Variants in CNTNAP4 observed in about 807,000 individuals in gnomAD.
The protein encoded by CNTNAP4 is contactin associated protein family member 4, also known as contactin-associated protein-like 4.
A neutral mutation model predicts 148.4 loss-of-function variants in CNTNAP4; 98 were observed. That is an observed-to-expected ratio of 0.66 (90% CI 0.56 to 0.78). The LOEUF is 0.78. CNTNAP4 is among the 30% of genes least tolerant of loss of function. The probability of loss-of-function intolerance (pLI) is 0.00; values close to 1 mark genes in which losing one functional copy is unlikely to be tolerated. For synonymous variants in CNTNAP4, 730 were observed against 565.1 expected (o/e 1.29, Z -4.14); for missense variants, 1,935 against 1,565.6 (o/e 1.24, Z -3.98).
chr16:76,516,799 C>T (rs143027133), intron 15 of CNTNAP4, among the ~76,000 whole-genome samples: 3 of 152,216 alleles, frequency 2.0e-5, no homozygotes, highest in Non-Finnish European at 4.4e-5. Flanking sequence ...AGTGGTGGCT[C>T]ACGCCTGTAA....
chr16:76,555,027 G>A (rs1004593855), intron 23 of CNTNAP4, among the ~76,000 whole-genome samples: 1 of 151,830 alleles, frequency 6.6e-6, no homozygotes, highest in Admixed American at 6.6e-5. Context: ...TATCTCCCTG[G>A]CAGGGCAACA....
intron 2 of CNTNAP4, among the ~76,000 whole-genome samples, chr16:76,331,834 A>C (rs1228852734): frequency 6.6e-6 from 1 of 152,178 alleles, no homozygotes; most frequent in Admixed American, 6.5e-5. Flanking sequence ...GTGGCTTTGC[A>C]TACTGTCTAG....
intron 3 of CNTNAP4, among the ~76,000 whole-genome samples, chr16:76,380,780 A>T (rs914996173): frequency 6.6e-6 from 1 of 152,190 alleles, no homozygotes; most frequent in African/African-American, 2.4e-5. Flanking sequence ...GGTTGTGATT[A>T]TGTCAGCAGT....
chr16:76,439,336 G>T (rs72797043), intron 4 of CNTNAP4, among the ~76,000 whole-genome samples: 2 of 128,530 alleles, frequency 1.6e-5, no homozygotes, highest in African/African-American at 5.4e-5. Context: ...TTCAAGTGTT[G>T]TTATTATTAA....
intron 3 of CNTNAP4, among the ~76,000 whole-genome samples, chr16:76,383,395 GAA>G (rs34346486): frequency 2.1e-3 from 121 of 58,280 alleles, no homozygotes; most frequent in African/African-American, 5.3e-3. Context: ...TACAGGAACA[GAA>G]AAAAAAAAAA....
chr16:76,528,230 A>G (rs977913833), intron 17 of CNTNAP4, among the ~76,000 whole-genome samples: 1 of 152,138 alleles, frequency 6.6e-6, no homozygotes, highest in Admixed American at 6.6e-5. Context: ...TATGTTGGTA[A>G]TATTTATTAG....
chr16:76,469,398 G>A (rs913918143), intron 10 of CNTNAP4: 8 of 152,202 alleles, frequency 5.3e-5, no homozygotes, highest in Admixed American at 3.9e-4. Context: ...CACGCAGAGA[G>A]GCTTCCTGGG....
In CNTNAP4 at chr16:76,489,895, A is replaced by G. The variant is rs7201030; in HGVS notation, c.2080+12A>G. The G allele has an allele frequency of 0.84, 1,261,538 of 1,504,864 alleles. 548,770 individuals carry two copies. The highest frequency in any genetic ancestry group is 0.89 in the Non-Finnish European group (993,744 of 1,111,492). 93.2% of individuals were successfully genotyped at this position (1,504,864 alleles called of 1,614,324 possible). ...GGTCAATAAGCAAGGTAAGTAAACC[A>G]TGGTGTCTGTCTTGTTGCACACATC... On this transcript the variant is annotated intron_variant, in intron 13 of 23. Coordinates refer to ENST00000611870, the MANE Select transcript of CNTNAP4 (RefSeq NM_033401.5).
rs557149340 is a variant in CNTNAP4, at chr16:76,405,973, TG to T, written c.391-21476del. Among the ~76,000 whole-genome samples the T allele has an allele frequency of 5.2e-3, 785 of 152,160 alleles. 11 individuals carry two copies. The highest frequency in any genetic ancestry group is 0.018 in the African/African-American group (761 of 41,514). On this transcript the variant is annotated intron_variant, in intron 3 of 23. Coordinates refer to ENST00000611870, the MANE Select transcript of CNTNAP4 (RefSeq NM_033401.5). ...GGCTCACACCTATAATCCACCACTTTGGGAGGCAGAAGCAGGCAGATCGCTT... is the reference window on the plus strand; with the variant it reads ...GGCTCACACCTATAATCCACCACTTTGGAGGCAGAAGCAGGCAGATCGCTT...
At chr16:76,528,869 G>T (rs1193167978) in intron 17 of CNTNAP4, among the ~76,000 whole-genome samples, 1 of 152,190 alleles carries the variant, frequency 6.6e-6, no homozygotes, top group African/African-American at 2.4e-5. Context: ...GCTAGCATTA[G>T]CCTACATCAC....
chr16:76,323,244 C>T (rs1173559887), intron 2 of CNTNAP4, among the ~76,000 whole-genome samples: 2 of 151,518 alleles, frequency 1.3e-5, no homozygotes, highest in African/African-American at 2.4e-5. Context: ...CTGATATATC[C>T]TTAGTCAAAA....
chr16:76,433,184 A>T (rs2079675353), intron 4 of CNTNAP4, among the ~76,000 whole-genome samples: 1 of 152,106 alleles, frequency 6.6e-6, no homozygotes, highest in African/African-American at 2.4e-5. Flanking sequence ...TAATAACAAC[A>T]ATGAAGAATG....
At chr16:76,295,004 C>A (rs1020692801) in intron 1 of CNTNAP4, among the ~76,000 whole-genome samples, 11 of 152,146 alleles carry the variant, frequency 7.2e-5, no homozygotes, top group African/African-American at 2.7e-4. Flanking sequence ...TTCTTACAGG[C>A]AATGTGCTCA....
intron 3 of CNTNAP4, among the ~76,000 whole-genome samples, chr16:76,376,060 AGAG>A (rs1307912241): frequency 6.6e-6 from 1 of 152,066 alleles, no homozygotes; most frequent in Non-Finnish European, 1.5e-5. Context: ...AGCAGGAGAA[AGAG>A]GAGGAGGTGG....
intron 3 of CNTNAP4, among the ~76,000 whole-genome samples, chr16:76,371,805 C>A (rs148493771): frequency 6.6e-6 from 1 of 152,190 alleles, no homozygotes; most frequent in Non-Finnish European, 1.5e-5. Context: ...CTTGTACTTT[C>A]CTATTTCTCT....
intron 1 of CNTNAP4, chr16:76,309,906 T>A (rs2144024022): frequency 1.4e-6 from 1 of 702,036 alleles, no homozygotes; most frequent in African/African-American, 1.7e-5. Context: ...TATGTGGAAC[T>A]GTGAGTCCGG....
chr16:76,373,531 G>C (rs1489217857), intron 3 of CNTNAP4, among the ~76,000 whole-genome samples: 1 of 152,100 alleles, frequency 6.6e-6, no homozygotes, highest in Non-Finnish European at 1.5e-5. Context: ...TGACTTAGAA[G>C]AGCCATGGTT....
At chr16:76,437,986 G>A (rs2079894459) in intron 4 of CNTNAP4, among the ~76,000 whole-genome samples, 1 of 152,234 alleles carries the variant, frequency 6.6e-6, no homozygotes, top group East Asian at 1.9e-4. Flanking sequence ...GAGTTCTGAA[G>A]TTTAAGGTAT....
At chr16:76,412,322 T>C (rs2078828735) in intron 3 of CNTNAP4, among the ~76,000 whole-genome samples, 1 of 151,444 alleles carries the variant, frequency 6.6e-6, no homozygotes, top group Non-Finnish European at 1.5e-5. Flanking sequence ...TACATGTCTT[T>C]TGCTAGCTGG....
Sources: allele counts gnomAD v4.1 joint callset (sites outside exome capture counted in the v4.1 genomes callset), GRCh38; gene constraint gnomAD v4.1.1; transcripts MANE v1.5; gene names NCBI Gene and HGNC (gene_info 2026-07-23, HGNC 2026-07-21).